Variants in EFNA5 observed in about 807,000 individuals in gnomAD.
EFNA5 encodes ephrin A5, also known as ephrin-A5.
EFNA5 carries 5 observed loss-of-function variants against 22.9 expected under a neutral mutation model. The observed-to-expected ratio is 0.22, with a 90% confidence interval of 0.11 to 0.46. The LOEUF is 0.46. Among genes scored for constraint, EFNA5 ranks in the 20% least tolerant of loss-of-function variants. The pLI is 0.99. For missense variants in EFNA5, 237 were observed against 293.3 expected (o/e 0.81, Z 1.40); for synonymous variants, 113 against 112.2 (o/e 1.01, Z -0.04).
intron 1 of EFNA5, among the ~76,000 whole-genome samples, chr5:107,665,725 G>C (rs1395322471): frequency 6.6e-6 from 1 of 152,028 alleles, no homozygotes; most frequent in Admixed American, 6.6e-5. Flanking sequence ...GAATCAAATA[G>C]GTAGAACATA....
intron 1 of EFNA5, among the ~76,000 whole-genome samples, chr5:107,555,877 G>A (rs1472240050): frequency 1.6e-4 from 25 of 152,266 alleles, no homozygotes; most frequent in Non-Finnish European, 2.9e-5. Context: ...GCTTCCCTTA[G>A]GGTGCAGAGT....
rs1435523779 is a variant in EFNA5 at position 107,378,180 on chromosome 5, A to T, written c.*3075T>A. ...GAGGTTGCTAATAATACAGAATTTA[A>T]AGAACGCAGTTTTTTTTTTTTTTTT... On this transcript the variant is annotated 3_prime_UTR_variant, in exon 5 of 5. Transcript: ENST00000333274. 3 of 149,770 alleles carry T rather than the reference A, an allele frequency of 2.0e-5. No homozygotes were observed. The highest frequency in any genetic ancestry group is 7.5e-5 in the African/African-American group (3 of 39,808). The allele number at this position is 149,770 out of a possible 1,614,324, so 9.3% of individuals were successfully genotyped here.
intron 2 of EFNA5, among the ~76,000 whole-genome samples, chr5:107,398,289 T>C (rs1256744074): frequency 6.6e-6 from 1 of 152,240 alleles, no homozygotes; most frequent in Admixed American, 6.5e-5. Flanking sequence ...ACTTGAGGTA[T>C]GTCTCCATTT....
chr5:107,614,393 A>C (rs1457774687), intron 1 of EFNA5, among the ~76,000 whole-genome samples: 7 of 152,190 alleles, frequency 4.6e-5, no homozygotes, highest in Non-Finnish European at 8.8e-5. Flanking sequence ...ATGTCAAATC[A>C]TATACAAAGT....
intron 1 of EFNA5, among the ~76,000 whole-genome samples, chr5:107,530,348 C>T (rs1747783217): frequency 6.6e-6 from 1 of 152,204 alleles, no homozygotes; most frequent in African/African-American, 2.4e-5. Context: ...CCTTCACTCA[C>T]ATTTGGTTGA....
intron 1 of EFNA5, among the ~76,000 whole-genome samples, chr5:107,631,881 T>A (rs559495336): frequency 1.3e-5 from 2 of 152,338 alleles, no homozygotes; most frequent in South Asian, 4.1e-4. Flanking sequence ...TCAATTTGAT[T>A]TTTTTCACTG....
At chr5:107,528,824 G>C (rs150852353) in intron 1 of EFNA5, among the ~76,000 whole-genome samples, 218 of 152,280 alleles carry the variant, frequency 1.4e-3, no homozygotes, top group African/African-American at 5.1e-3. Context: ...AATTGTGACT[G>C]ATAGGTATAT....
At chr5:107,394,969 C>G (rs1747881291) in intron 2 of EFNA5, among the ~76,000 whole-genome samples, 1 of 149,476 alleles carries the variant, frequency 6.7e-6, no homozygotes, top group African/African-American at 2.5e-5. Flanking sequence ...TAGGTATGAG[C>G]CAAAAATAAC....
intron 1 of EFNA5, among the ~76,000 whole-genome samples, chr5:107,574,467 G>C (rs1194521480): frequency 3.9e-5 from 6 of 152,188 alleles, no homozygotes; most frequent in African/African-American, 1.4e-4. Flanking sequence ...CATAAGGGAT[G>C]TGACCTGGTG....
At chr5:107,452,820 T>G (rs78935043) in intron 1 of EFNA5, among the ~76,000 whole-genome samples, 1 of 152,292 alleles carries the variant, frequency 6.6e-6, no homozygotes, top group African/African-American at 2.4e-5. Flanking sequence ...GAGCTTCTGG[T>G]TATTACATTA....
chr5:107,403,970 A>G (rs1254261468), intron 2 of EFNA5, among the ~76,000 whole-genome samples: 1 of 152,226 alleles, frequency 6.6e-6, no homozygotes, highest in Non-Finnish European at 1.5e-5. Context: ...GTAATTTCTG[A>G]AAAATGTCTG....
chr5:107,471,061 T>C (rs1435896179), intron 1 of EFNA5, among the ~76,000 whole-genome samples: 2 of 152,156 alleles, frequency 1.3e-5, no homozygotes, highest in East Asian at 3.8e-4. Flanking sequence ...AATTACCTTC[T>C]AGCTGGTCTC....
At chr5:107,462,889 T>C (rs558159933) in intron 1 of EFNA5, among the ~76,000 whole-genome samples, 5 of 152,294 alleles carry the variant, frequency 3.3e-5, no homozygotes, top group African/African-American at 1.2e-4. Flanking sequence ...AGTTCATTCA[T>C]GGGAATAAGG....
At chr5:107,537,253 G>T (rs916012225) in intron 1 of EFNA5, among the ~76,000 whole-genome samples, 10 of 151,970 alleles carry the variant, frequency 6.6e-5, no homozygotes, top group Non-Finnish European at 1.2e-4. Context: ...CAACACTTTG[G>T]GAGGCCGAGG....
chr5:107,533,796 C>G (rs1030038341), intron 1 of EFNA5, among the ~76,000 whole-genome samples: 1 of 152,162 alleles, frequency 6.6e-6, no homozygotes, highest in Non-Finnish European at 1.5e-5. Flanking sequence ...ATCTTTGTCA[C>G]GGAGCTAGAC....
intron 1 of EFNA5, among the ~76,000 whole-genome samples, chr5:107,666,116 A>T (rs1751059897): frequency 6.6e-6 from 1 of 152,194 alleles, no homozygotes; most frequent in East Asian, 1.9e-4. Flanking sequence ...GATGAAACTC[A>T]TTCAAGACCA....
At chr5:107,505,604 T>G (rs1214702071) in intron 1 of EFNA5, among the ~76,000 whole-genome samples, 2 of 152,150 alleles carry the variant, frequency 1.3e-5, no homozygotes, top group African/African-American at 4.8e-5. Context: ...CACTAAGAGA[T>G]ATCATTAGAA....
At chr5:107,651,698 T>C (rs1318633093) in intron 1 of EFNA5, among the ~76,000 whole-genome samples, 4 of 148,394 alleles carry the variant, frequency 2.7e-5, no homozygotes, top group Middle Eastern at 3.3e-3. Context: ...TTGAAAACAA[T>C]TGCTTAATCC....
chr5:107,576,011 G>C (rs916911722), intron 1 of EFNA5, among the ~76,000 whole-genome samples: 50 of 152,152 alleles, frequency 3.3e-4, no homozygotes, highest in African/African-American at 1.2e-3. Context: ...GGAAATGCCA[G>C]GCAAACAGTA....
Sources: allele counts gnomAD v4.1 joint callset (sites outside exome capture counted in the v4.1 genomes callset), GRCh38; gene constraint gnomAD v4.1.1; transcripts MANE v1.5; gene names NCBI Gene and HGNC (gene_info 2026-07-23, HGNC 2026-07-21).